VPS41: variants seen among roughly 807,000 people sequenced by gnomAD.
VPS41 encodes VPS41 subunit of HOPS complex, also known as vacuolar protein sorting-associated protein 41 homolog.
In VPS41, 85 loss-of-function variants were observed where a neutral mutation model predicts 130.9. That is an observed-to-expected ratio of 0.65 (90% CI 0.55 to 0.78). The LOEUF (loss-of-function observed/expected upper bound fraction) is 0.78. Ranked by LOEUF, VPS41 falls within the 30% of genes least tolerant of loss-of-function variation. VPS41 has a pLI of 0.00. For synonymous variants in VPS41, 335 were observed against 332.9 expected, an observed-to-expected ratio of 1.01 and a Z score of -0.07; for missense variants, 874 against 1,018.7, an observed-to-expected ratio of 0.86 and a Z score of 1.93.
intron 5 of VPS41, among the ~76,000 whole-genome samples, chr7:38,828,271 T>C (rs2116159374): frequency 6.6e-6 from 1 of 151,456 alleles, no homozygotes; most frequent in African/African-American, 2.4e-5. Context: ...ACACATACGA[T>C]ATGTGTGTCT....
In VPS41 at chr7:38,789,876, T is replaced by C; in HGVS notation, c.718-9A>G. The C allele has an allele frequency of 1.9e-6, 3 of 1,613,490 alleles. No individual in the cohort carries two copies. Among genetic ancestry groups the C allele is most frequent in the Non-Finnish European group, 2.5e-6 (3 of 1,179,574 alleles). On this transcript the variant is annotated splice_polypyrimidine_tract_variant and intron_variant, in intron 9 of 28. Coordinates refer to ENST00000310301, the MANE Select transcript of VPS41 (RefSeq NM_014396.4). ...TCCTTCACTGAGCACACCTGGAAAA[T>C]AAGTTCGCAGGTTATTTTATTCATT...
chr7:38,907,432 C>T (rs1391607403), intron 1 of VPS41, among the ~76,000 whole-genome samples: 1 of 152,284 alleles, frequency 6.6e-6, no homozygotes, highest in Non-Finnish European at 1.5e-5. Context: ...ACCAGGCTAC[C>T]GTAATGGCTG....
At position 38,899,484 on chromosome 7, in the gene VPS41, C is replaced by A. The variant is rs969352315; in HGVS notation, c.22-1355G>T. ...CTAAAATGTTTCTCCTCTGCACTCA[C>A]CATCACAGTTCCTGGTTTTAGTCCT... On this transcript the variant is annotated intron_variant, in intron 1 of 28. Coordinates refer to ENST00000310301, the MANE Select transcript of VPS41 (RefSeq NM_014396.4). Among the ~76,000 whole-genome samples, 6 of 152,326 alleles carry A rather than the reference C, an allele frequency of 3.9e-5. 1 individual carries two copies. The South Asian group carries it at 1.2e-3, about 32-fold the overall frequency.
chr7:38,902,465 T>G (rs1009201078), intron 1 of VPS41, among the ~76,000 whole-genome samples: 3 of 152,156 alleles, frequency 2.0e-5, no homozygotes, highest in African/African-American at 7.2e-5. Flanking sequence ...TTGGCCTAGG[T>G]GGTGTTTTTA....
At chr7:38,807,265 T>G (rs1046127106) in intron 7 of VPS41, among the ~76,000 whole-genome samples, 1 of 152,236 alleles carries the variant, frequency 6.6e-6, no homozygotes, top group Non-Finnish European at 1.5e-5. Flanking sequence ...TATGGGGTAC[T>G]CCTGGTGATC....
chr7:38,830,633 T>C (rs565813618), intron 4 of VPS41, among the ~76,000 whole-genome samples: 4 of 152,188 alleles, frequency 2.6e-5, no homozygotes, highest in South Asian at 2.1e-4. Context: ...ATATCTCAGA[T>C]CAAGTAGGCA....
chr7:38,906,016 G>C (rs1787253293), intron 1 of VPS41, among the ~76,000 whole-genome samples: 2 of 151,572 alleles, frequency 1.3e-5, no homozygotes, highest in Non-Finnish European at 2.9e-5. Context: ...GTCTGGTCTC[G>C]AACTCCTGAC....
At chr7:38,882,312 G>T (rs896116947) in intron 2 of VPS41, among the ~76,000 whole-genome samples, 1 of 152,092 alleles carries the variant, frequency 6.6e-6, no homozygotes, top group African/African-American at 2.4e-5. Context: ...CTCTCTCCTG[G>T]TTCTTTTCCT....
At chr7:38,814,842 T>C (rs933152152) in intron 7 of VPS41, among the ~76,000 whole-genome samples, 3 of 152,120 alleles carry the variant, frequency 2.0e-5, no homozygotes, top group African/African-American at 7.2e-5. Flanking sequence ...AAATCAAAAC[T>C]GCATCAAAAC....
At chr7:38,756,231 C>CACACACACACAT (rs1783791390) in intron 19 of VPS41, among the ~76,000 whole-genome samples, 3 of 151,852 alleles carry the variant, frequency 2.0e-5, no homozygotes, top group African/African-American at 7.3e-5. Flanking sequence ...CACACACACA[C>CACACACACACAT]ACACACACAC....
At chr7:38,893,012 C>G (rs753461940) in intron 2 of VPS41, among the ~76,000 whole-genome samples, 2 of 152,162 alleles carry the variant, frequency 1.3e-5, no homozygotes, top group Non-Finnish European at 2.9e-5. Context: ...ATGAGAACCA[C>G]GCAAATGGTC....
intron 10 of VPS41, among the ~76,000 whole-genome samples, chr7:38,789,381 C>G (rs111306210): frequency 3.3e-5 from 5 of 152,210 alleles, no homozygotes; most frequent in African/African-American, 1.2e-4. Flanking sequence ...GTGGCTTTCC[C>G]AGTGCTTTCC....
chr7:38,766,593 C>T lies in VPS41; in HGVS notation c.1248-932G>A, dbSNP rs139583535. Among the ~76,000 whole-genome samples the T allele has an allele frequency of 7.9e-5, 12 of 152,238 alleles. No homozygotes were observed. The East Asian group carries it at 1.4e-3, about 17-fold the overall frequency. On this transcript the variant is annotated intron_variant, in intron 15 of 28. Transcript: ENST00000310301. ...GGCAGACAAGGTGATAGGGTTTGGC[C>T]GTGTCCCCACCCAAATCTCATCTTG...
chr7:38,737,201 G>A (rs895784220), intron 25 of VPS41, among the ~76,000 whole-genome samples: 6 of 151,994 alleles, frequency 3.9e-5, no homozygotes, highest in African/African-American at 1.5e-4. Context: ...TGGATAAACT[G>A]TCTCTACTAA....
At chr7:38,742,202 C>T in intron 24 of VPS41, 81 bp from the exon 25 acceptor site, 2 of 1,343,736 alleles carry the variant, frequency 1.5e-6, no homozygotes, top group Admixed American at 2.8e-5. Context: ...GCATATAATG[C>T]AATTTTAGAT....
At chr7:38,798,811 T>C (rs1255314355) in intron 7 of VPS41, among the ~76,000 whole-genome samples, 1 of 152,014 alleles carries the variant, frequency 6.6e-6, no homozygotes, top group Non-Finnish European at 1.5e-5. Context: ...AAATGACCAA[T>C]GTAGTACTAA....
chr7:38,841,881 G>C (rs911416555), intron 4 of VPS41, among the ~76,000 whole-genome samples: 36 of 152,240 alleles, frequency 2.4e-4, no homozygotes, highest in Non-Finnish European at 2.4e-4. Flanking sequence ...TGGGATTACA[G>C]GCGTGAGCCA....
chr7:38,907,427 G>C (rs1318867785), intron 1 of VPS41, among the ~76,000 whole-genome samples: 1 of 152,198 alleles, frequency 6.6e-6, no homozygotes, highest in Admixed American at 6.5e-5. Context: ...GGACAACCAG[G>C]CTACCGTAAT....
At position 38,850,902 on chromosome 7, in the gene VPS41, G is replaced by T. The variant is rs180784317; in HGVS notation, c.246+11643C>A. On this transcript the variant is annotated intron_variant, in intron 4 of 28. Coordinates refer to ENST00000310301, the MANE Select transcript of VPS41 (RefSeq NM_014396.4). ...AATAACAACAGCCAACACTGGTGAT[G>T]CGATATAATGATAAACTCTCAGACT... Among the ~76,000 whole-genome samples the T allele has an allele frequency of 3.2e-3, 485 of 152,284 alleles. 5 individuals carry two copies. The highest frequency in any genetic ancestry group is 0.011 in the African/African-American group (460 of 41,548).
Sources: gnomAD v4.1 joint callset for allele counts (sites outside exome capture counted in the v4.1 genomes callset) on GRCh38, gnomAD v4.1.1 for gene constraint, MANE v1.5 for transcripts, NCBI Gene and HGNC (gene_info 2026-07-23, HGNC 2026-07-21) for gene names.